NUP37: variants seen among roughly 807,000 people sequenced by gnomAD.
NUP37 encodes the protein nucleoporin Nup37.
A neutral mutation model predicts 45.4 loss-of-function variants in NUP37; 33 were observed. That is an observed-to-expected ratio of 0.73 (90% CI 0.55 to 0.97). The LOEUF is 0.97. NUP37 is among the 50% of genes least tolerant of loss of function. The pLI is 0.00. For synonymous variants in NUP37, 127 were observed against 130.7 expected, an observed-to-expected ratio of 0.97 and a Z score of 0.19; for missense variants, 365 against 389.7, an observed-to-expected ratio of 0.94 and a Z score of 0.53.
intron 3 of NUP37, among the ~76,000 whole-genome samples, chr12:102,102,509 C>T (rs1880001649): frequency 6.6e-6 from 1 of 152,112 alleles, no homozygotes. Flanking sequence ...GATATTAGCC[C>T]CTTATCAAGA....
At chr12:102,094,346 T>A (rs1461819762) in intron 5 of NUP37, among the ~76,000 whole-genome samples, 1 of 152,150 alleles carries the variant, frequency 6.6e-6, no homozygotes, top group Non-Finnish European at 1.5e-5. Flanking sequence ...ATCCTGATTA[T>A]ACTTTGTACC....
At position 102,113,025 on chromosome 12, in the gene NUP37, G is replaced by A. The variant is rs1186231707; in HGVS notation, c.157-793C>T. 4.6e-5 allele frequency among the ~76,000 whole-genome samples: 7 copies of A among 152,202 alleles called. No individual in the cohort carries two copies. In the East Asian group the frequency reaches 1.4e-3, roughly 29 times the overall value. The stretch of plus-strand genomic sequence containing the variant: ...TAAAATGATTTCAGTTTATCCTCAC[G>A]GGAAGGTGAGAAAAAAAATCAACTT... On this transcript the variant is annotated intron_variant, in intron 2 of 9. Coordinates refer to ENST00000552283, the MANE Select transcript of NUP37 (RefSeq NM_024057.4).
rs1879091852 is a variant in NUP37, at chr12:102,073,695, TTTTTC to T, written c.*654_*658del. 1 of 152,226 alleles carries T rather than the reference TTTTTC, an allele frequency of 6.6e-6. No individual in the cohort carries two copies. The highest frequency in any genetic ancestry group is 2.1e-4 in the South Asian group (1 of 4,832). 9.4% of individuals were successfully genotyped at this position (152,226 alleles called of 1,614,324 possible). On this transcript the variant is annotated 3_prime_UTR_variant, in exon 10 of 10. Transcript: ENST00000552283. ...AAGATATTTTTTTCTCCTTGGATTT[TTTTTC>T]TTTTGAGATAGTCTCGCTCTGTCGC...
At chr12:102,116,191 CCT>C (rs1048346872) in intron 2 of NUP37, among the ~76,000 whole-genome samples, 4 of 152,024 alleles carry the variant, frequency 2.6e-5, no homozygotes, top group African/African-American at 4.8e-5. Flanking sequence ...CCAACTTCTC[CCT>C]CTCTCATCTT....
chr12:102,094,732 A>G (rs1430905853), intron 5 of NUP37, among the ~76,000 whole-genome samples: 1 of 152,040 alleles, frequency 6.6e-6, no homozygotes, highest in Non-Finnish European at 1.5e-5. Flanking sequence ...TTACATTCTA[A>G]TATCTTATTC....
intron 5 of NUP37, among the ~76,000 whole-genome samples, chr12:102,089,918 T>C (rs1200629364): frequency 6.6e-6 from 1 of 152,192 alleles, no homozygotes; most frequent in South Asian, 2.1e-4. Context: ...TAAGCCGTCT[T>C]GCATATGTCT....
At chr12:102,091,895 G>A (rs2136729345) in intron 5 of NUP37, among the ~76,000 whole-genome samples, 1 of 152,102 alleles carries the variant, frequency 6.6e-6, no homozygotes, top group African/African-American at 2.4e-5. Flanking sequence ...TTATTGCTAT[G>A]ATTATTGCTT....
chr12:102,099,048 A>G, intron 5 of NUP37, 58 bp downstream of exon 5: 2 of 1,130,492 alleles, frequency 1.8e-6, no homozygotes, highest in Non-Finnish European at 2.7e-6. Context: ...TCATTTTAAA[A>G]ATGTAATTCT....
chr12:102,092,394 G>C (rs539973064), intron 5 of NUP37, among the ~76,000 whole-genome samples: 1 of 152,296 alleles, frequency 6.6e-6, no homozygotes, highest in East Asian at 1.9e-4. Flanking sequence ...CAGAGATGTA[G>C]TTATAAGGAT....
At chr12:102,084,840 A>C (rs1879423533) in intron 6 of NUP37, among the ~76,000 whole-genome samples, 2 of 152,210 alleles carry the variant, frequency 1.3e-5, no homozygotes, top group Admixed American at 6.5e-5. Context: ...TTCTAGGGAA[A>C]CATACAATAA....
intron 3 of NUP37, among the ~76,000 whole-genome samples, chr12:102,102,279 C>T (rs906839546): frequency 3.9e-5 from 6 of 152,166 alleles, no homozygotes; most frequent in Admixed American, 1.3e-4. Flanking sequence ...TTTGCTACTA[C>T]ACCCCTTTCC....
chr12:102,089,432 G>A (rs1330036638), intron 5 of NUP37, among the ~76,000 whole-genome samples: 1 of 145,990 alleles, frequency 6.8e-6, no homozygotes, highest in Non-Finnish European at 1.5e-5. Flanking sequence ...TCACTTCCGA[G>A]GCACTCCTCA....
chr12:102,111,376 G>C (rs573458132), intron 3 of NUP37, among the ~76,000 whole-genome samples: 27 of 152,170 alleles, frequency 1.8e-4, no homozygotes, highest in African/African-American at 5.3e-4. Flanking sequence ...ACAAATATAC[G>C]TATTTGTCAA....
At chr12:102,116,548 C>T (rs368179847) in intron 2 of NUP37, among the ~76,000 whole-genome samples, 6 of 152,218 alleles carry the variant, frequency 3.9e-5, no homozygotes, top group African/African-American at 9.6e-5. Context: ...ACAGACAGTA[C>T]GAAATAGGCT....
chr12:102,112,344 C>A, intron 2 of NUP37, 112 bp from the exon 3 acceptor site: 1 of 821,116 alleles, frequency 1.2e-6, no homozygotes, highest in Non-Finnish European at 1.8e-6. Context: ...TTGAAAAGTT[C>A]AAAAGCAAAT....
At chr12:102,114,882 A>C (rs1880419398) in intron 2 of NUP37, among the ~76,000 whole-genome samples, 1 of 152,210 alleles carries the variant, frequency 6.6e-6, no homozygotes, top group Non-Finnish European at 1.5e-5. Flanking sequence ...CGTTAAGCCA[A>C]AATCTGTTTC....
At chr12:102,082,495 T>C (rs1413319377) in intron 6 of NUP37, among the ~76,000 whole-genome samples, 1 of 152,230 alleles carries the variant, frequency 6.6e-6, no homozygotes, top group African/African-American at 2.4e-5. Flanking sequence ...GCAGCTAAAA[T>C]TGACTGAGTG....
At chr12:102,082,695 T>A (rs1438209260) in intron 6 of NUP37, among the ~76,000 whole-genome samples, 1 of 152,228 alleles carries the variant, frequency 6.6e-6, no homozygotes, top group Admixed American at 6.5e-5. Context: ...CACTTCTCTG[T>A]ATTCTAGGTT....
chr12:102,086,471 C>T (rs766366122), intron 5 of NUP37, among the ~76,000 whole-genome samples: 33 of 152,274 alleles, frequency 2.2e-4, no homozygotes, highest in Non-Finnish European at 3.4e-4. Flanking sequence ...CCATGGTTGA[C>T]GATTAAAGCT....
Sources: gnomAD v4.1 joint callset for allele counts (sites outside exome capture counted in the v4.1 genomes callset) on GRCh38, gnomAD v4.1.1 for gene constraint, MANE v1.5 for transcripts, NCBI Gene and HGNC (gene_info 2026-07-23, HGNC 2026-07-21) for gene names.